Variants in GRID2 observed in about 807,000 individuals in gnomAD.
The protein encoded by GRID2 is glutamate receptor ionotropic, delta-2.
GRID2 carries 33 observed loss-of-function variants against 114.8 expected under a neutral mutation model. The observed-to-expected ratio is 0.29, with a 90% CI of 0.22 to 0.38. The LOEUF (loss-of-function observed/expected upper bound fraction) is 0.38, where lower values mean the gene tolerates loss of function less well. Ranked by LOEUF, GRID2 falls within the 10% of genes least tolerant of loss-of-function variation. GRID2 has a pLI of 1.00. For missense variants in GRID2, 1,184 were observed against 1,257.7 expected, an observed-to-expected ratio of 0.94 and a Z score of 0.89; for synonymous variants, 505 against 449.9, an observed-to-expected ratio of 1.12 and a Z score of -1.55.
At chr4:92,619,681 C>A (rs1305965447) in intron 2 of GRID2, among the ~76,000 whole-genome samples, 1 of 151,626 alleles carries the variant, frequency 6.6e-6, no homozygotes, top group East Asian at 1.9e-4. Context: ...CAGTGTCATG[C>A]TAAAATGACA....
chr4:92,306,829 T>C (rs1009201775), intron 1 of GRID2, among the ~76,000 whole-genome samples: 2 of 152,226 alleles, frequency 1.3e-5, no homozygotes, highest in South Asian at 2.1e-4. Context: ...CTTTAGAAAG[T>C]TGGTTGTATA....
chr4:92,691,291 C>T (rs1211174463), intron 2 of GRID2, among the ~76,000 whole-genome samples: 1 of 151,954 alleles, frequency 6.6e-6, no homozygotes, highest in South Asian at 2.1e-4. Context: ...TTATATGTAA[C>T]TTTGCAGGCT....
In GRID2 at chr4:93,406,989, G is replaced by A. The variant is rs182982977; in HGVS notation, c.1347+11281G>A. On this transcript the variant is annotated intron_variant, in intron 9 of 15. Transcript: ENST00000282020. Reference sequence around the variant, plus strand: ...AGTAGAGAAAAGCAACCTTAAAGTTGCAACATCATGATTGGATTTCAGTTC... The same window carrying A: ...AGTAGAGAAAAGCAACCTTAAAGTTACAACATCATGATTGGATTTCAGTTC... Among the ~76,000 whole-genome samples the A allele has an allele frequency of 2.6e-4, 40 of 152,188 alleles. No individual in the cohort carries two copies. In the East Asian group the frequency reaches 7.3e-3, roughly 28 times the overall value.
intron 2 of GRID2, among the ~76,000 whole-genome samples, chr4:92,654,752 T>TAA (rs147225565): frequency 2.6e-5 from 4 of 151,474 alleles, no homozygotes; most frequent in South Asian, 4.2e-4. Flanking sequence ...AATGGAATTT[T>TAA]AAAAAAAAAT....
chr4:92,391,838 A>G (rs1275416725), intron 1 of GRID2, among the ~76,000 whole-genome samples: 1 of 152,134 alleles, frequency 6.6e-6, no homozygotes, highest in African/African-American at 2.4e-5. Flanking sequence ...CAGTTTTGCT[A>G]TACAAGACTA....
chr4:93,302,685 G>C (rs1462672084), intron 8 of GRID2: 3 of 433,080 alleles, frequency 6.9e-6, no homozygotes, highest in Admixed American at 5.2e-5. Context: ...AGTTTCATAG[G>C]CTACTTTATT....
intron 10 of GRID2, among the ~76,000 whole-genome samples, chr4:93,453,359 A>AGAGAGAGAGT (rs1284889245): frequency 2.0e-3 from 238 of 121,160 alleles, no homozygotes; most frequent in Middle Eastern, 0.019. Context: ...AGAGAGAGAG[A>AGAGAGAGAGT]GTGTGTGTAT....
At chr4:93,607,355 G>A (rs1324139469) in intron 13 of GRID2, among the ~76,000 whole-genome samples, 1 of 152,014 alleles carries the variant, frequency 6.6e-6, no homozygotes, top group Non-Finnish European at 1.5e-5. Flanking sequence ...ACACATCGTA[G>A]AAATCCTTCC....
chr4:92,361,297 T>A (rs981317521), intron 1 of GRID2, among the ~76,000 whole-genome samples: 2 of 151,970 alleles, frequency 1.3e-5, no homozygotes, highest in African/African-American at 4.8e-5. Context: ...AAACTCTAAA[T>A]GGACAAAGCA....
intron 2 of GRID2, among the ~76,000 whole-genome samples, chr4:92,819,797 T>G (rs2149386223): frequency 6.6e-6 from 1 of 152,286 alleles, no homozygotes; most frequent in South Asian, 2.1e-4. Context: ...TGTTTGCAGT[T>G]AAGTAATCTT....
intron 2 of GRID2, among the ~76,000 whole-genome samples, chr4:93,071,866 G>GA (rs930743368): frequency 2.0e-4 from 30 of 151,808 alleles, no homozygotes; most frequent in African/African-American, 5.1e-4. Flanking sequence ...ATTCATAAAA[G>GA]AAAAAAAATT....
intron 1 of GRID2, among the ~76,000 whole-genome samples, chr4:92,559,359 C>T (rs375654117): frequency 3.3e-5 from 5 of 151,984 alleles, no homozygotes; most frequent in South Asian, 2.1e-4. Flanking sequence ...CTGAAATGCT[C>T]GGGACAAGAA....
intron 2 of GRID2, among the ~76,000 whole-genome samples, chr4:92,824,278 T>G (rs1741524206): frequency 6.6e-6 from 1 of 152,160 alleles, no homozygotes; most frequent in African/African-American, 2.4e-5. Flanking sequence ...TTATCATTAC[T>G]TGTGTATTTG....
chr4:93,301,396 A>AT (rs1754853483), intron 8 of GRID2, among the ~76,000 whole-genome samples: 2 of 152,116 alleles, frequency 1.3e-5, no homozygotes, highest in Admixed American at 6.6e-5. Context: ...ATTTTCTCAT[A>AT]TTTTTTACTT....
chr4:92,796,611 A>G (rs1739888444), intron 2 of GRID2, among the ~76,000 whole-genome samples: 1 of 151,898 alleles, frequency 6.6e-6, no homozygotes, highest in South Asian at 2.1e-4. Flanking sequence ...TATTTTTCAG[A>G]GTAGGGCACT....
rs961945973 is a variant in GRID2 at position 92,652,814 on chromosome 4, T to A, written c.244+62528T>A. ...AAGATGGTGAAAAAAAAAATATATA[T>A]ATATATATAAATATATATAAATTTA... is the stretch of plus-strand genomic sequence containing the variant. On this transcript the variant is annotated intron_variant, in intron 2 of 15. Transcript: ENST00000282020. Among the ~76,000 whole-genome samples, 8 of 136,756 alleles carry A rather than the reference T, an allele frequency of 5.8e-5. 1 individual carries two copies. The highest frequency in any genetic ancestry group is 2.1e-4 in the African/African-American group (8 of 37,422). 89.7% of individuals were successfully genotyped at this position (136,756 alleles called of 152,430 possible). A position where few individuals can be genotyped will look rare whatever the true frequency, so the allele number is the denominator to read the frequency against.
chr4:92,365,485 CTGG>C (rs751222998), intron 1 of GRID2, among the ~76,000 whole-genome samples: 30 of 150,944 alleles, frequency 2.0e-4, no homozygotes, highest in Admixed American at 4.0e-4. Context: ...CTGGGTGGTG[CTGG>C]TGGTGGTGGT....
At chr4:93,353,206 A>G (rs927664615) in intron 8 of GRID2, among the ~76,000 whole-genome samples, 2 of 152,040 alleles carry the variant, frequency 1.3e-5, no homozygotes, top group African/African-American at 2.4e-5. Context: ...TTCTGTGGAA[A>G]CTAGATATTT....
intron 13 of GRID2, among the ~76,000 whole-genome samples, chr4:93,603,553 G>C (rs1470632428): frequency 1.3e-5 from 2 of 152,212 alleles, no homozygotes; most frequent in African/African-American, 4.8e-5. Context: ...CATTGATGGA[G>C]GTGGCTACAC....
Sources: gnomAD v4.1 joint callset for allele counts (sites outside exome capture counted in the v4.1 genomes callset) on GRCh38, gnomAD v4.1.1 for gene constraint, MANE v1.5 for transcripts, NCBI Gene and HGNC (gene_info 2026-07-23, HGNC 2026-07-21) for gene names.